Variants in PCDHGA10 observed in about 807,000 individuals in gnomAD.
PCDHGA10 encodes the protein protocadherin gamma-A10.
PCDHGA10 carries 42 observed loss-of-function variants against 59.5 expected under a neutral mutation model. The ratio of observed to expected loss-of-function variants is 0.71; its 90% CI spans 0.55 to 0.91. PCDHGA10 has a LOEUF of 0.91. Ranked by LOEUF, PCDHGA10 falls within the 40% of genes least tolerant of loss-of-function variation. PCDHGA10 has a pLI of 0.00. For synonymous variants in PCDHGA10, 511 were observed against 517.2 expected (o/e 0.99, Z 0.16); for missense variants, 1,111 against 1,198.2 (o/e 0.93, Z 1.07).
rs774071540 is a variant in PCDHGA10, at chr5:141,511,042, G to A, written c.2680G>A (p.Asp894Asn). 8 of 1,614,064 alleles carry A rather than the reference G, an allele frequency of 5.0e-6. No homozygotes were observed. Among genetic ancestry groups the A allele is most frequent in the Non-Finnish European group, 6.8e-6 (8 of 1,180,016 alleles). Residue 894 changes from aspartate to asparagine, a missense_variant, in exon 4 of 4, where the codon GAC becomes AAC. Physicochemically the swap from Asp to Asn is conservative, Grantham distance 23. Coordinates refer to ENST00000398610, the MANE Select transcript of PCDHGA10 (RefSeq NM_018913.3). Reference sequence around the variant, plus strand: ...CCAGTTCACCCTGCAGCACGTGCCCGACTACCGCCAGAATGTCTACATCCC... The same window carrying A: ...CCAGTTCACCCTGCAGCACGTGCCCAACTACCGCCAGAATGTCTACATCCC... ...GPQFTLQHVPDYRQNVYIPGS... is the reference protein window; with the variant it reads ...GPQFTLQHVPNYRQNVYIPGS...
intron 1 of PCDHGA10, among the ~76,000 whole-genome samples, chr5:141,434,384 G>T (rs980455943): frequency 2.6e-5 from 4 of 152,208 alleles, no homozygotes; most frequent in African/African-American, 4.8e-5. Context: ...CCCAAAACTG[G>T]CCATAAACAA....
At chr5:141,447,950 G>T (rs1195519095) in intron 1 of PCDHGA10, among the ~76,000 whole-genome samples, 1 of 152,052 alleles carries the variant, frequency 6.6e-6, no homozygotes, top group Non-Finnish European at 1.5e-5. Flanking sequence ...GCTGGGCATG[G>T]TGGCGGACAC....
intron 1 of PCDHGA10, among the ~76,000 whole-genome samples, chr5:141,457,537 T>C (rs967428207): frequency 6.6e-6 from 1 of 152,228 alleles, no homozygotes; most frequent in Non-Finnish European, 1.5e-5. Context: ...TAGGGTTTAA[T>C]GACAAATGTA....
chr5:141,477,536 G>T lies in PCDHGA10; in HGVS notation c.2437-17271G>T. 1.2e-6 allele frequency: 2 copies of T among 1,614,076 alleles called. No homozygotes were observed. Among genetic ancestry groups the T allele is most frequent in the Non-Finnish European group, 1.7e-6 (2 of 1,180,018 alleles). ...CATTGAAGAAAACAACCTCCCCGGG[G>T]CTCCAATACTAAACCTAAGTGTCTG... On this transcript the variant is annotated intron_variant, in intron 1 of 3. Coordinates refer to ENST00000398610, the MANE Select transcript of PCDHGA10 (RefSeq NM_018913.3). The surrounding 1 kb of genome is among the most constrained non-coding windows in gnomAD (Gnocchi z 4.9).
chr5:141,427,429 G>A (rs2097025761), intron 1 of PCDHGA10: 1 of 471,078 alleles, frequency 2.1e-6, no homozygotes, highest in African/African-American at 2.0e-5. Flanking sequence ...GAGGTTACAT[G>A]CCTCATAAAC....
In PCDHGA10 at chr5:141,476,933, GA is replaced by G; in HGVS notation, c.2437-17872del. 1 of 1,614,176 alleles carries G rather than the reference GA, an allele frequency of 6.2e-7. No individual in the cohort carries two copies. Reference sequence around the variant, plus strand: ...ACAAGTCCTTGCAACGGATCTGGATGAAGGCCCCAACGGTGAAATTATTTAC... The same window carrying G: ...ACAAGTCCTTGCAACGGATCTGGATGAGGCCCCAACGGTGAAATTATTTAC... On this transcript the variant is annotated intron_variant, in intron 1 of 3. Transcript: ENST00000398610. This position sits in a 1 kb window ranked among gnomAD's most constrained non-coding sequence, Gnocchi z 7.6.
intron 1 of PCDHGA10, among the ~76,000 whole-genome samples, chr5:141,492,574 G>T (rs2099742096): frequency 6.6e-6 from 1 of 152,232 alleles, no homozygotes; most frequent in Non-Finnish European, 1.5e-5. Flanking sequence ...TGAGCGAGGC[G>T]CGGGGCCAGG....
intron 1 of PCDHGA10, among the ~76,000 whole-genome samples, chr5:141,456,266 C>G (rs1273258132): frequency 6.6e-6 from 1 of 152,128 alleles, no homozygotes; most frequent in Non-Finnish European, 1.5e-5. Context: ...TTGCTTCTGG[C>G]TACTTCCTGC....
chr5:141,490,080 T>A lies in PCDHGA10; in HGVS notation c.2437-4727T>A, dbSNP rs2099695881. On this transcript the variant is annotated intron_variant, in intron 1 of 3. Coordinates refer to ENST00000398610, the MANE Select transcript of PCDHGA10 (RefSeq NM_018913.3). The surrounding 1 kb of genome is among the most constrained non-coding windows in gnomAD (Gnocchi z 5.4). ...GCACCAACGGCCAACTAGACTATTCTTTTGGAGACCACACATCTGAGGCAG... is the reference window on the plus strand; with the variant it reads ...GCACCAACGGCCAACTAGACTATTCATTTGGAGACCACACATCTGAGGCAG... The A allele has an allele frequency of 6.2e-7, 1 of 1,614,246 alleles. No homozygotes were observed. The highest frequency in any genetic ancestry group is 2.2e-5 in the East Asian group (1 of 44,884).
intron 3 of PCDHGA10, 69 bp from the exon 4 acceptor site, chr5:141,510,878 G>A (rs896348248): frequency 6.2e-7 from 1 of 1,610,438 alleles, no homozygotes; most frequent in African/African-American, 1.3e-5. Context: ...TTAACTGCTG[G>A]GGATATAAGA....
At chr5:141,433,253 G>C (rs1288721469) in intron 1 of PCDHGA10, 1 of 1,416,466 alleles carries the variant, frequency 7.1e-7, no homozygotes, top group East Asian at 2.3e-5. Flanking sequence ...GAATGCAGCG[G>C]TACGATCATA....
rs745334496 is a variant in PCDHGA10 at position 141,478,302 on chromosome 5, C to A, written c.2437-16505C>A. 47 of 1,613,952 alleles carry A rather than the reference C, an allele frequency of 2.9e-5. 1 individual carries two copies. In the Admixed American group the frequency reaches 7.0e-4, roughly 24 times the overall value. On this transcript the variant is annotated intron_variant, in intron 1 of 3. Transcript: ENST00000398610. ...AAGCAGTCTAGAGACCTATACCGAGCCCCGGTGAGCTCACTGTACCGAACA... is the reference window on the plus strand; with the variant it reads ...AAGCAGTCTAGAGACCTATACCGAGACCCGGTGAGCTCACTGTACCGAACA...
chr5:141,436,501 G>A (rs1382579407), intron 1 of PCDHGA10, among the ~76,000 whole-genome samples: 1 of 152,118 alleles, frequency 6.6e-6, no homozygotes, highest in Admixed American at 6.5e-5. Context: ...TTGCAATTAG[G>A]TAAATTGTTA....
intron 1 of PCDHGA10, chr5:141,419,208 C>G: frequency 5.6e-6 from 9 of 1,613,966 alleles, no homozygotes; most frequent in Non-Finnish European, 6.8e-6. Flanking sequence ...GACAACGCGC[C>G]GGTTTTCGGA....
intron 1 of PCDHGA10, among the ~76,000 whole-genome samples, chr5:141,434,824 A>ACTTG (rs1561875192): frequency 1.3e-5 from 2 of 151,888 alleles, no homozygotes; most frequent in African/African-American, 4.8e-5. Flanking sequence ...CCCTTAGTAC[A>ACTTG]CTTGGCATTT....
In PCDHGA10 at chr5:141,421,099, G is replaced by A. The variant is rs941392242; in HGVS notation, c.2436+5488G>A. ...GATACTCACAGATCCTGACACTGGA[G>A]ACTTAGAAGTATTTTCCTTCGCTTT... is the stretch of plus-strand genomic sequence containing the variant. On this transcript the variant is annotated intron_variant, in intron 1 of 3. Coordinates refer to ENST00000398610, the MANE Select transcript of PCDHGA10 (RefSeq NM_018913.3). 1.2e-5 allele frequency: 8 copies of A among 680,384 alleles called. No individual in the cohort carries two copies. In the Admixed American group the frequency reaches 1.2e-4, roughly 11 times the overall value. 42.1% of individuals were successfully genotyped at this position (680,384 alleles called of 1,614,324 possible).
chr5:141,413,435 G>T lies in PCDHGA10; in HGVS notation c.260G>T (p.Ser87Ile), dbSNP rs1018097924. 17 of 1,614,004 alleles carry T rather than the reference G, an allele frequency of 1.1e-5. No homozygotes were observed. The African/African-American group carries it at 2.1e-4, about 20-fold the overall frequency. The change falls in exon 1 of 4, where the codon AGC becomes ATC. Residue 87 changes from serine (S) to isoleucine (I), a missense_variant. By Grantham distance (142) the Ser-to-Ile change is moderately radical. Coordinates refer to ENST00000398610, the MANE Select transcript of PCDHGA10 (RefSeq NM_018913.3). Reference sequence around the variant, plus strand: ...TTCTCTCTGAACCCGCGCAGCGGCAGCTTGATCACCGCGGGCAGGATAGAC... The same window carrying T: ...TTCTCTCTGAACCCGCGCAGCGGCATCTTGATCACCGCGGGCAGGATAGAC... Reference protein sequence around the residue: ...QLFSLNPRSGSLITAGRIDRE... With the variant: ...QLFSLNPRSGILITAGRIDRE...
intron 1 of PCDHGA10, chr5:141,484,865 G>A (rs1431313212): frequency 3.6e-6 from 1 of 278,548 alleles, no homozygotes; most frequent in Non-Finnish European, 6.7e-6. Flanking sequence ...GGGTGGGGGA[G>A]CGTGGAGGAT....
intron 1 of PCDHGA10, among the ~76,000 whole-genome samples, chr5:141,474,926 C>T (rs756761848): frequency 1.3e-5 from 2 of 152,218 alleles, no homozygotes; most frequent in Non-Finnish European, 2.9e-5. Context: ...TCATCTCTGG[C>T]TTATATCACA....
Sources: gnomAD v4.1 joint callset for allele counts (sites outside exome capture counted in the v4.1 genomes callset) on GRCh38, gnomAD v4.1.1 for gene constraint, Gnocchi (gnomAD v3.1) non-coding constraint, MANE v1.5 for transcripts, NCBI Gene and HGNC (gene_info 2026-07-23, HGNC 2026-07-21) for gene names.